The following MARK4 variants were observed in gnomAD, a reference collection of about 807,000 sequenced individuals.
The protein encoded by MARK4 is MAP/microtubule affinity-regulating kinase 4.
Under a neutral mutation model 81.5 loss-of-function variants are expected in MARK4, and 19 were observed. The observed-to-expected ratio is 0.23, with a 90% CI of 0.16 to 0.34. The LOEUF (loss-of-function observed/expected upper bound fraction) is 0.34, where lower values mean the gene tolerates loss of function less well. Among genes scored for constraint, MARK4 ranks in the 10% least tolerant of loss-of-function variants. The pLI is 1.00. For synonymous variants in MARK4, 436 were observed against 439.0 expected, an observed-to-expected ratio of 0.99 and a Z score of 0.08; for missense variants, 772 against 1,058.8, an observed-to-expected ratio of 0.73 and a Z score of 3.76.
In MARK4 at chr19:45,264,739, C is replaced by T. The variant is rs56158216; in HGVS notation, c.411C>T (p.Tyr137=). 0.016 allele frequency: 25,213 copies of T among 1,614,030 alleles called. 264 individuals are homozygous for T. The highest frequency in any genetic ancestry group is 0.019 in the Non-Finnish European group (22,515 of 1,180,004). ...TEKTLYLVME[Y]ASAGEVFDYL... is the part of the protein sequence containing the mutation. Reference sequence around the variant, plus strand: ...AGACGCTGTACCTGGTGATGGAGTACGCAAGTGCTGGTGAGCCGCCCACCC... The same window carrying T: ...AGACGCTGTACCTGGTGATGGAGTATGCAAGTGCTGGTGAGCCGCCCACCC... Residue 137 remains tyrosine (Y), a synonymous_variant, in exon 5 of 17, where the codon TAC becomes TAT. Transcript: ENST00000262891.
Position 45,271,584 on chromosome 19 carries a change from A to G in MARK4, c.662A>G (p.Tyr221Cys), listed in dbSNP as rs1358790851. 2 of 1,614,050 alleles carry G rather than the reference A, an allele frequency of 1.2e-6. No homozygotes were observed. The highest frequency in any genetic ancestry group is 1.7e-6 in the Non-Finnish European group (2 of 1,180,026). ...GACACGTTCTGCGGGAGCCCCCCAT[A>G]TGCCGCCCCGGAGCTGTTTCAGGGC... ...KLDTFCGSPP[Y>C]AAPELFQGKK... Residue 221 changes from tyrosine to cysteine, a missense_variant, in exon 8 of 17, where the codon TAT becomes TGT. This residue lies in a region of MARK4 where 109 missense variants were observed against 294.7 expected (regional missense o/e 0.37). Coordinates refer to ENST00000262891, the MANE Select transcript of MARK4 (RefSeq NM_001199867.2). The surrounding 1 kb of genome is among the most constrained non-coding windows in gnomAD (Gnocchi z 4.1).
Position 45,287,437 on chromosome 19 carries a change from C to T in MARK4, c.1277-10C>T, listed in dbSNP as rs1218552991. The T allele has an allele frequency of 4.9e-6, 7 of 1,421,476 alleles. No individual in the cohort carries two copies. Among genetic ancestry groups the T allele is most frequent in the Non-Finnish European group, 6.5e-6 (7 of 1,079,316 alleles). 88.1% of individuals were successfully genotyped at this position (1,421,476 alleles called of 1,614,324 possible). A position where few individuals can be genotyped will look rare whatever the true frequency, so the allele number is the denominator to read the frequency against. On this transcript the variant is annotated splice_polypyrimidine_tract_variant and intron_variant, in intron 12 of 16. Coordinates refer to ENST00000262891, the MANE Select transcript of MARK4 (RefSeq NM_001199867.2). The stretch of plus-strand genomic sequence containing the variant: ...GTGATGCCAGCTCTAAACGGTACCC[C>T]CTCCCCCAGGTGGCCCATCCCCTGC...
chr19:45,266,279 A>C lies in MARK4; in HGVS notation c.547A>C (p.Lys183Gln). Residue 183 changes from lysine (K) to glutamine (Q), a missense_variant and splice_region_variant, in exon 7 of 17, where the codon AAG (lysine) becomes CAG (glutamine). Transcript: ENST00000262891. ...HQKNIVHRDL[K>Q]AENLLLDAEA... ...GAAAAATATTGTACACAGGGACCTG[A>C]AGGTAAGCCCCCGACCCGCTGTGAT... The C allele has an allele frequency of 6.2e-7, 1 of 1,613,678 alleles. No homozygotes were observed. Among genetic ancestry groups the C allele is most frequent in the Non-Finnish European group, 8.5e-7 (1 of 1,179,742 alleles).
intron 2 of MARK4, 48 bp from the exon 3 acceptor site, chr19:45,263,065 G>A (rs1287097477): frequency 1.9e-6 from 3 of 1,571,752 alleles, no homozygotes; most frequent in Middle Eastern, 1.7e-4. Context: ...CATATCCAGT[G>A]GGGCTTGTGG....
Position 45,299,793 on chromosome 19 carries a change from C to G in MARK4, c.1878-18C>G. On this transcript the variant is annotated intron_variant, in intron 15 of 16. Transcript: ENST00000262891. Reference sequence around the variant, plus strand: ...CCTATGTCCAGATTAGACACTCTGTCCCCCTCCCCTCCCCTAGGGTCGCAG... The same window carrying G: ...CCTATGTCCAGATTAGACACTCTGTGCCCCTCCCCTCCCCTAGGGTCGCAG... 6.3e-7 allele frequency: 1 copy of G among 1,589,458 alleles called. No homozygotes were observed. The highest frequency in any genetic ancestry group is 1.1e-5 in the South Asian group (1 of 88,524).
chr19:45,257,158 C>T (rs547713032), intron 1 of MARK4, among the ~76,000 whole-genome samples: 43 of 151,572 alleles, frequency 2.8e-4, no homozygotes, highest in African/African-American at 9.0e-4. Context: ...ATGGGTGTCT[C>T]GCTTCATTGC....
chr19:45,260,676 G>A (rs1349642342), intron 2 of MARK4, among the ~76,000 whole-genome samples: 1 of 151,812 alleles, frequency 6.6e-6, no homozygotes. Flanking sequence ...CAGCCTGGGT[G>A]ACAGAGCAAG....
At position 45,266,557 on chromosome 19, in the gene MARK4, A is replaced by G. The variant is rs10445551; in HGVS notation, c.549+276A>G. ...GTGTCCCAAAATGGCCCTGGATGCT[A>G]CAGGGCTGTTGGATAAGGACGCTGG... On this transcript the variant is annotated intron_variant, in intron 7 of 16. Coordinates refer to ENST00000262891, the MANE Select transcript of MARK4 (RefSeq NM_001199867.2). 1.9e-3 allele frequency among the ~76,000 whole-genome samples: 282 copies of G among 152,066 alleles called. 2 individuals are homozygous for G. The highest frequency in any genetic ancestry group is 3.3e-3 in the Non-Finnish European group (225 of 67,968).
At chr19:45,273,196 AAC>A (rs1458968455) in intron 8 of MARK4, among the ~76,000 whole-genome samples, 1 of 151,948 alleles carries the variant, frequency 6.6e-6, no homozygotes, top group Non-Finnish European at 1.5e-5. Flanking sequence ...GAAAAGTTGC[AAC>A]AGTAGAGCAA....
intron 2 of MARK4, among the ~76,000 whole-genome samples, chr19:45,262,437 T>C (rs1453721123): frequency 1.3e-5 from 2 of 152,158 alleles, no homozygotes; most frequent in African/African-American, 2.4e-5. Context: ...AGAGTTCTCG[T>C]TTGTAAAGCG....
At chr19:45,277,842 TG>T in intron 8 of MARK4, 80 bp from the exon 9 acceptor site, 1 of 1,259,650 alleles carries the variant, frequency 7.9e-7, no homozygotes, top group Non-Finnish European at 1.1e-6. Context: ...TGTGTGTGTG[TG>T]TGTGTGTGTG....
chr19:45,257,746 G>C (rs1227312835), intron 1 of MARK4, among the ~76,000 whole-genome samples: 1 of 148,668 alleles, frequency 6.7e-6, no homozygotes, highest in African/African-American at 2.5e-5. Flanking sequence ...CTGGAGTGCA[G>C]CGGCGCGATC....
Position 45,294,354 on chromosome 19 carries a change from C to G in MARK4, c.1500C>G (p.Asn500Lys). The G allele has an allele frequency of 6.2e-7, 1 of 1,614,072 alleles. No homozygotes were observed. Among genetic ancestry groups the G allele is most frequent in the Non-Finnish European group, 8.5e-7 (1 of 1,179,988 alleles). ...RRKDSTSTPN[N>K]LPPSMMTRRN... ...CCTGGCTGTGTCTCCTGCAGAACAA[C>G]CTCCCTCCTAGCATGATGACCCGCA... Residue 500 changes from asparagine to lysine, a missense_variant, in exon 14 of 17, where the codon AAC (asparagine) becomes AAG (lysine). Around this residue, in one of 3 missense-constraint regions of MARK4, gnomAD observed 548 missense variants for 624.3 expected, o/e 0.88. Transcript: ENST00000262891.
chr19:45,272,520 G>GC (rs1433689991), intron 8 of MARK4, among the ~76,000 whole-genome samples: 1 of 151,874 alleles, frequency 6.6e-6, no homozygotes, highest in African/African-American at 2.4e-5. Context: ...CCTGAGGCTG[G>GC]GGGGGAGGAG....
Position 45,280,367 on chromosome 19 carries a change from CT to C in MARK4, c.1007-6del. The stretch of plus-strand genomic sequence containing the variant: ...GTCTGAAACTTCTCTCCATCCCCCC[CT>C]CCCAGAGGTGATGGTGGGTATGGGC... On this transcript the variant is annotated splice_polypyrimidine_tract_variant and splice_region_variant and intron_variant, in intron 10 of 16. Coordinates refer to ENST00000262891, the MANE Select transcript of MARK4 (RefSeq NM_001199867.2). 1 of 1,610,464 alleles carries C rather than the reference CT, an allele frequency of 6.2e-7. No individual in the cohort carries two copies. The highest frequency in any genetic ancestry group is 1.7e-5 in the Admixed American group (1 of 59,936).
In MARK4 at chr19:45,290,054, C is replaced by G. The variant is rs550890256; in HGVS notation, c.1494+2390C>G. 3.9e-5 allele frequency among the ~76,000 whole-genome samples: 6 copies of G among 152,220 alleles called. No individual in the cohort carries two copies. The East Asian group carries it at 1.2e-3, about 29-fold the overall frequency. On this transcript the variant is annotated intron_variant, in intron 13 of 16. Transcript: ENST00000262891. ...GGCGGAGGTTGCAGTGAGCCAAGATCGTGCCACTGCACTCCAGCCTGGGAG... is the reference window on the plus strand; with the variant it reads ...GGCGGAGGTTGCAGTGAGCCAAGATGGTGCCACTGCACTCCAGCCTGGGAG...
rs142544926 is a variant in MARK4, at chr19:45,279,199, G to A, written c.1006+584G>A. On this transcript the variant is annotated intron_variant, in intron 10 of 16. Coordinates refer to ENST00000262891, the MANE Select transcript of MARK4 (RefSeq NM_001199867.2). ...ATGATCATGCCACTGCACTCCAGGC[G>A]ACAGGGTGAGACCGTGTCTCAAAAA... Among the ~76,000 whole-genome samples, 887 of 152,060 alleles carry A rather than the reference G, an allele frequency of 5.8e-3. 7 individuals are homozygous for A. Among genetic ancestry groups the A allele is most frequent in the Non-Finnish European group, 0.01 (686 of 67,978 alleles).
Position 45,287,448 on chromosome 19 carries a change from T to C in MARK4, c.1278T>C (p.Cys426=). 1 of 1,425,518 alleles carries C rather than the reference T, an allele frequency of 7.0e-7. No homozygotes were observed. The highest frequency in any genetic ancestry group is 9.2e-7 in the Non-Finnish European group (1 of 1,082,096). 88.3% of individuals were successfully genotyped at this position (1,425,518 alleles called of 1,614,324 possible). A position where few individuals can be genotyped will look rare whatever the true frequency, so the allele number is the denominator to read the frequency against. The change falls in exon 13 of 17, where the codon TGT becomes TGC. Residue 426 remains cysteine (C), a splice_region_variant and synonymous_variant. Transcript: ENST00000262891. ...TCTAAACGGTACCCCCTCCCCCAGG[T>C]GGCCCATCCCCTGCACCCCTGCACC... ...YHRQRRHSDF[C]GPSPAPLHPK...
rs192280538 is a variant in MARK4, at chr19:45,267,476, T to C, written c.549+1195T>C. On this transcript the variant is annotated intron_variant, in intron 7 of 16. Coordinates refer to ENST00000262891, the MANE Select transcript of MARK4 (RefSeq NM_001199867.2). Reference sequence around the variant, plus strand: ...GCCAGGCAGCCTCCTCGAGTACCTGTGGCCCCAGGGTCCGCATTCCACACC... The same window carrying C: ...GCCAGGCAGCCTCCTCGAGTACCTGCGGCCCCAGGGTCCGCATTCCACACC... 3.4e-3 allele frequency among the ~76,000 whole-genome samples: 519 copies of C among 152,332 alleles called. 5 individuals carry two copies. Among genetic ancestry groups the C allele is most frequent in the Middle Eastern group, 0.014 (4 of 294 alleles).
Sources: allele counts gnomAD v4.1 joint callset (sites outside exome capture counted in the v4.1 genomes callset), GRCh38; gene constraint gnomAD v4.1.1; regional missense constraint gnomAD v4.1.1; non-coding constraint Gnocchi (gnomAD v3.1); transcripts MANE v1.5; gene names NCBI Gene and HGNC (gene_info 2026-07-23, HGNC 2026-07-21).